CNTNAP2: variants seen among roughly 807,000 people sequenced by gnomAD.
CNTNAP2 encodes contactin-associated protein-like 2.
A neutral mutation model predicts 155.2 loss-of-function variants in CNTNAP2; 98 were observed. That is an observed-to-expected ratio of 0.63 (90% CI 0.54 to 0.75). CNTNAP2 has a LOEUF of 0.75. Ranked by LOEUF, CNTNAP2 falls within the 30% of genes least tolerant of loss-of-function variation. The pLI is 0.00. For synonymous variants in CNTNAP2, 651 were observed against 631.2 expected, an observed-to-expected ratio of 1.03 and a Z score of -0.47; for missense variants, 1,727 against 1,688.1, an observed-to-expected ratio of 1.02 and a Z score of -0.40.
At chr7:148,040,201 A>G (rs1007068217) in intron 15 of CNTNAP2, among the ~76,000 whole-genome samples, 8 of 152,234 alleles carry the variant, frequency 5.3e-5, no homozygotes, top group African/African-American at 1.9e-4. Flanking sequence ...AGCTTAGGGA[A>G]AAAATAACTG....
intron 14 of CNTNAP2, among the ~76,000 whole-genome samples, chr7:147,954,639 A>G (rs1475698215): frequency 6.6e-6 from 1 of 152,152 alleles, no homozygotes; most frequent in Non-Finnish European, 1.5e-5. Context: ...AATAATTGCT[A>G]TTTGAATGCT....
intron 15 of CNTNAP2, among the ~76,000 whole-genome samples, chr7:148,098,242 G>A (rs1402729019): frequency 3.3e-5 from 5 of 151,728 alleles, no homozygotes; most frequent in African/African-American, 4.8e-5. Flanking sequence ...TCAGGAGATC[G>A]AGACCATCCT....
At chr7:147,389,856 C>G (rs1031670348) in intron 9 of CNTNAP2, among the ~76,000 whole-genome samples, 5 of 152,042 alleles carry the variant, frequency 3.3e-5, no homozygotes, top group African/African-American at 1.2e-4. Context: ...CAAAAATACG[C>G]AAAAATTTTA....
intron 13 of CNTNAP2, among the ~76,000 whole-genome samples, chr7:147,674,183 T>C (rs1206280993): frequency 6.6e-6 from 1 of 152,148 alleles, no homozygotes; most frequent in African/African-American, 2.4e-5. Context: ...CTCACTCCCG[T>C]TGTGGACAGA....
intron 10 of CNTNAP2, among the ~76,000 whole-genome samples, chr7:147,400,591 C>A (rs192182840): frequency 1.0e-3 from 159 of 152,264 alleles, no homozygotes; most frequent in Non-Finnish European, 1.9e-3. Flanking sequence ...CCTAAGAGCA[C>A]TCTTCACAGC....
intron 15 of CNTNAP2, among the ~76,000 whole-genome samples, chr7:148,074,696 A>T (rs1161215151): frequency 6.6e-6 from 1 of 152,138 alleles, no homozygotes; most frequent in Non-Finnish European, 1.5e-5. Context: ...AAAAAAAAAA[A>T]AAATTGAGAA....
At chr7:146,813,172 C>T (rs771239924) in intron 2 of CNTNAP2, among the ~76,000 whole-genome samples, 1 of 152,196 alleles carries the variant, frequency 6.6e-6, no homozygotes, top group African/African-American at 2.4e-5. Context: ...TGGGGCACTG[C>T]CTAGTGGAGT....
Position 147,484,388 on chromosome 7 carries a change from T to C in CNTNAP2, c.1671-1547T>C, listed in dbSNP as rs531806072. ...CTTTTAATTGTGCCCAAAATGTACA[T>C]GATTCCTCATGTGAAATCCCGTAGT... On this transcript the variant is annotated intron_variant, in intron 10 of 23. Transcript: ENST00000361727. 9.9e-5 allele frequency among the ~76,000 whole-genome samples: 15 copies of C among 151,026 alleles called. No homozygotes were observed. The South Asian group carries it at 2.7e-3, about 28-fold the overall frequency.
chr7:146,485,193 T>C (rs916130229), intron 1 of CNTNAP2, among the ~76,000 whole-genome samples: 1 of 152,058 alleles, frequency 6.6e-6, no homozygotes, highest in Non-Finnish European at 1.5e-5. Context: ...GAAAGTACAC[T>C]GTGACAATGT....
chr7:147,487,342 A>T (rs1465642231), intron 11 of CNTNAP2, among the ~76,000 whole-genome samples: 1 of 152,200 alleles, frequency 6.6e-6, no homozygotes. Context: ...AAAGAACAAA[A>T]ATGATTGATA....
chr7:146,290,863 C>T (rs112514490), intron 1 of CNTNAP2, among the ~76,000 whole-genome samples: 6 of 152,190 alleles, frequency 3.9e-5, no homozygotes, highest in African/African-American at 1.2e-4. Context: ...ATTGCAGTAT[C>T]AATGCCAAGA....
At chr7:147,830,893 A>G (rs1798535303) in intron 13 of CNTNAP2, among the ~76,000 whole-genome samples, 1 of 152,228 alleles carries the variant, frequency 6.6e-6, no homozygotes, top group Non-Finnish European at 1.5e-5. Context: ...GAAACAGAAG[A>G]GATGGCAAGT....
intron 1 of CNTNAP2, among the ~76,000 whole-genome samples, chr7:146,211,861 G>T (rs903304140): frequency 6.6e-6 from 1 of 151,916 alleles, no homozygotes; most frequent in African/African-American, 2.4e-5. Flanking sequence ...AGTATATAAA[G>T]ACAAATTCTA....
At position 146,861,098 on chromosome 7, in the gene CNTNAP2, T is replaced by C. The variant is rs973320651; in HGVS notation, c.402+21194T>C. 2.6e-5 allele frequency among the ~76,000 whole-genome samples: 4 copies of C among 152,164 alleles called. No homozygotes were observed. In the East Asian group the frequency reaches 5.8e-4, roughly 22 times the overall value. ...TTTTTTGAGACCAAGCCTCATCCTA[T>C]TTCCCAGGCTGGAGTGCAGTGGTGT... is the stretch of plus-strand genomic sequence containing the variant. On this transcript the variant is annotated intron_variant, in intron 3 of 23. Transcript: ENST00000361727.
chr7:146,761,567 C>T (rs1802101047), intron 1 of CNTNAP2, among the ~76,000 whole-genome samples: 1 of 152,158 alleles, frequency 6.6e-6, no homozygotes, highest in Non-Finnish European at 1.5e-5. Flanking sequence ...AGATGCTATA[C>T]ATTCCCATAT....
chr7:146,544,722 G>T (rs917619), intron 1 of CNTNAP2, among the ~76,000 whole-genome samples: 93,937 of 151,170 alleles, frequency 0.62, 30,011 homozygotes, highest in African/African-American at 0.72. Flanking sequence ...TGAAGGAGTT[G>T]ATATTAAGCA....
chr7:147,486,086 A>C, intron 11 of CNTNAP2, 45 bp downstream of exon 11: 3 of 1,524,916 alleles, frequency 2.0e-6, no homozygotes, highest in South Asian at 2.2e-5. Flanking sequence ...TTGCATGAGA[A>C]TCTCAAGTCT....
intron 1 of CNTNAP2, among the ~76,000 whole-genome samples, chr7:146,546,207 T>G (rs1327085329): frequency 6.6e-6 from 1 of 151,934 alleles, no homozygotes; most frequent in Non-Finnish European, 1.5e-5. Flanking sequence ...TGGGAGATTC[T>G]GAAATGTGAC....
chr7:146,792,175 C>T (rs1318755113), intron 2 of CNTNAP2, among the ~76,000 whole-genome samples: 1 of 152,046 alleles, frequency 6.6e-6, no homozygotes, highest in African/African-American at 2.4e-5. Context: ...ACTTATGTAA[C>T]TCTGAGTTAT....
Sources: allele counts gnomAD v4.1 joint callset (sites outside exome capture counted in the v4.1 genomes callset), GRCh38; gene constraint gnomAD v4.1.1; transcripts MANE v1.5; gene names NCBI Gene and HGNC (gene_info 2026-07-23, HGNC 2026-07-21).